The following FARS2 variants were observed in gnomAD, a reference collection of about 807,000 sequenced individuals.
The protein encoded by FARS2 is phenylalanine--tRNA ligase, mitochondrial.
In FARS2, 40 loss-of-function variants were observed where a neutral mutation model predicts 46.4. The ratio of observed to expected loss-of-function variants is 0.86; its 90% CI spans 0.67 to 1.12. FARS2 has a LOEUF of 1.12. Ranked by LOEUF, FARS2 falls within the 50% of genes most tolerant of loss-of-function variation. The pLI is 0.00. For missense variants in FARS2, 513 were observed against 567.9 expected, an observed-to-expected ratio of 0.90 and a Z score of 0.98; for synonymous variants, 234 against 214.9, an observed-to-expected ratio of 1.09 and a Z score of -0.78.
rs1554128878 is a variant in FARS2, at chr6:5,717,933, T to TGGAGAGAGAGAGAGAGAGAGAGAGAGAG, written c.1218-53358_1218-53357insGGAGAGAGAGAGAGAGAGAGAGAGAGAG. 2.1e-3 allele frequency among the ~76,000 whole-genome samples: 267 copies of TGGAGAGAGAGAGAGAGAGAGAGAGAGAG among 128,256 alleles called. 3 individuals carry two copies. The highest frequency in any genetic ancestry group is 4.3e-3 in the Admixed American group (59 of 13,774). 84.1% of individuals were successfully genotyped at this position (128,256 alleles called of 152,430 possible). On this transcript the variant is annotated intron_variant, in intron 6 of 6. Coordinates refer to ENST00000274680, the MANE Select transcript of FARS2 (RefSeq NM_006567.5). ...CTATATATATATATATATATATATATATACAGAGTCTCACTCTGTCGCCCA... is the reference window on the plus strand; with the variant it reads ...CTATATATATATATATATATATATATGGAGAGAGAGAGAGAGAGAGAGAGAGAGATACAGAGTCTCACTCTGTCGCCCA...
intron 5 of FARS2, among the ~76,000 whole-genome samples, chr6:5,578,605 C>G (rs548954477): frequency 6.6e-6 from 1 of 151,874 alleles, no homozygotes; most frequent in Non-Finnish European, 1.5e-5. Context: ...GTCAGGAGAT[C>G]GACACCATCC....
chr6:5,719,456 A>AAGAAAGAGAAAGAG (rs1759744269), intron 6 of FARS2, among the ~76,000 whole-genome samples: 1 of 151,616 alleles, frequency 6.6e-6, no homozygotes, highest in Admixed American at 6.6e-5. Context: ...GAAAGAGATA[A>AAGAAAGAGAAAGAG]AGAAAAGAGA....
chr6:5,698,347 G>A (rs1758226060), intron 6 of FARS2, among the ~76,000 whole-genome samples: 1 of 152,142 alleles, frequency 6.6e-6, no homozygotes, highest in South Asian at 2.1e-4. Flanking sequence ...AGAGAGTAGG[G>A]GGAGGGAGGT....
chr6:5,623,732 AT>A (rs199787787), intron 6 of FARS2, among the ~76,000 whole-genome samples: 7,692 of 149,420 alleles, frequency 0.051, 741 homozygotes, highest in African/African-American at 0.18. Context: ...AATAAATAAA[AT>A]AAAGACTTTG....
chr6:5,538,657 A>G (rs1055991600), intron 4 of FARS2, among the ~76,000 whole-genome samples: 8 of 152,310 alleles, frequency 5.3e-5, no homozygotes, highest in South Asian at 2.1e-4. Context: ...AGAAAACTAT[A>G]TGATAGAGTG....
chr6:5,581,543 TGC>T (rs1448801443), intron 5 of FARS2, among the ~76,000 whole-genome samples: 1 of 152,210 alleles, frequency 6.6e-6, no homozygotes, highest in African/African-American at 2.4e-5. Context: ...GCTGGGTATA[TGC>T]TTGTTTGCTC....
At chr6:5,268,305 C>G (rs1327496486) in intron 1 of FARS2, among the ~76,000 whole-genome samples, 1 of 151,600 alleles carries the variant, frequency 6.6e-6, no homozygotes, top group African/African-American at 2.4e-5. Flanking sequence ...ATGGTATTGC[C>G]TAGGTTTTCT....
At chr6:5,456,222 A>C (rs9405269) in intron 4 of FARS2, among the ~76,000 whole-genome samples, 2 of 71,374 alleles carry the variant, frequency 2.8e-5, no homozygotes, top group Non-Finnish European at 6.2e-5. Context: ...TCAAAAAAAA[A>C]CAAAAAGCAA....
At chr6:5,590,131 TG>T (rs1190497755) in intron 5 of FARS2, among the ~76,000 whole-genome samples, 20 of 152,318 alleles carry the variant, frequency 1.3e-4, no homozygotes, top group African/African-American at 4.8e-4. Context: ...TGCTCAGTAA[TG>T]TTAGATAATG....
chr6:5,481,293 G>C (rs889173011), intron 4 of FARS2, among the ~76,000 whole-genome samples: 1 of 152,194 alleles, frequency 6.6e-6, no homozygotes, highest in African/African-American at 2.4e-5. Flanking sequence ...GGCAGGGAAG[G>C]GGGAGGGGAT....
At chr6:5,602,845 G>A (rs1450092138) in intron 5 of FARS2, among the ~76,000 whole-genome samples, 5 of 152,072 alleles carry the variant, frequency 3.3e-5, no homozygotes, top group Non-Finnish European at 5.9e-5. Context: ...ATTTATAACC[G>A]GGTCATGGAC....
At chr6:5,537,534 C>T (rs549283136) in intron 4 of FARS2, among the ~76,000 whole-genome samples, 3 of 150,936 alleles carry the variant, frequency 2.0e-5, no homozygotes, top group African/African-American at 7.3e-5. Context: ...GGAGATGTCC[C>T]GGGCCTCCTC....
rs869279006 is a variant in FARS2, at chr6:5,381,405, AT to A, written c.612+12224del. Among the ~76,000 whole-genome samples, 416 of 67,296 alleles carry A rather than the reference AT, an allele frequency of 6.2e-3. 1 individual carries two copies. The highest frequency in any genetic ancestry group is 0.029 in the Middle Eastern group (4 of 136). The allele number at this position is 67,296 out of a possible 152,430, so 44.1% of individuals were successfully genotyped here. ...CACACACACACACACACACACACACATACACACACACACACAGATGCAGAAT... is the reference window on the plus strand; with the variant it reads ...CACACACACACACACACACACACACAACACACACACACACAGATGCAGAAT... On this transcript the variant is annotated intron_variant, in intron 2 of 6. Transcript: ENST00000274680.
intron 5 of FARS2, among the ~76,000 whole-genome samples, chr6:5,569,629 C>T (rs1772524282): frequency 6.6e-6 from 1 of 152,184 alleles, no homozygotes; most frequent in African/African-American, 2.4e-5. Context: ...TTCAGCTGAG[C>T]AACTGGTCTT....
chr6:5,507,682 A>G lies in FARS2; in HGVS notation c.905-37498A>G, dbSNP rs111518075. 1.1e-3 allele frequency among the ~76,000 whole-genome samples: 172 copies of G among 152,334 alleles called. 3 individuals carry two copies. The highest frequency in any genetic ancestry group is 3.9e-3 in the African/African-American group (163 of 41,564). ...CTTATGATTTGAGCTTAATTTCTAAATGAAGCTCATTTTCCAGTGTCCCAG... is the reference window on the plus strand; with the variant it reads ...CTTATGATTTGAGCTTAATTTCTAAGTGAAGCTCATTTTCCAGTGTCCCAG... On this transcript the variant is annotated intron_variant, in intron 4 of 6. Coordinates refer to ENST00000274680, the MANE Select transcript of FARS2 (RefSeq NM_006567.5).
At position 5,745,799 on chromosome 6, in the gene FARS2, C is replaced by G. The variant is rs143198573; in HGVS notation, c.1218-25492C>G. 6.1e-3 allele frequency among the ~76,000 whole-genome samples: 924 copies of G among 152,318 alleles called. 6 individuals are homozygous for G. The highest frequency in any genetic ancestry group is 0.021 in the African/African-American group (870 of 41,564). Reference sequence around the variant, plus strand: ...AAGTCATCCTCCCACCTCGGCCTCACAAAATGCTGGGATTACAGGTGTGAG... The same window carrying G: ...AAGTCATCCTCCCACCTCGGCCTCAGAAAATGCTGGGATTACAGGTGTGAG... On this transcript the variant is annotated intron_variant, in intron 6 of 6. Transcript: ENST00000274680.
At chr6:5,250,884 A>C in the FARS2 span, among the ~76,000 whole-genome samples, 2 of 152,216 alleles carry the variant, frequency 1.3e-5, no homozygotes, top group Non-Finnish European at 2.9e-5. Flanking sequence ...ATAGAGAGCA[A>C]AACTCTTATT....
chr6:5,682,952 G>A (rs540658475), intron 6 of FARS2, among the ~76,000 whole-genome samples: 8 of 152,332 alleles, frequency 5.3e-5, no homozygotes, highest in African/African-American at 1.9e-4. Context: ...GGGACATAGC[G>A]GGAACAGCAC....
At position 5,426,008 on chromosome 6, in the gene FARS2, T is replaced by C. The variant is rs1231214880; in HGVS notation, c.773-5033T>C. Among the ~76,000 whole-genome samples, 3 of 152,114 alleles carry C rather than the reference T, an allele frequency of 2.0e-5. No individual in the cohort carries two copies. The East Asian group carries it at 5.8e-4, about 29-fold the overall frequency. On this transcript the variant is annotated intron_variant, in intron 3 of 6. Transcript: ENST00000274680. ...AGGAAAAATGGTAGAAGGCTGAGGCTTGAACCCAGGTGTGGTTTTTTTTCC... is the reference window on the plus strand; with the variant it reads ...AGGAAAAATGGTAGAAGGCTGAGGCCTGAACCCAGGTGTGGTTTTTTTTCC...
Sources: allele counts gnomAD v4.1 joint callset (sites outside exome capture counted in the v4.1 genomes callset), GRCh38; gene constraint gnomAD v4.1.1; transcripts MANE v1.5; gene names NCBI Gene and HGNC (gene_info 2026-07-23, HGNC 2026-07-21).